USP12: variants seen among roughly 807,000 people sequenced by gnomAD.
USP12 encodes ubiquitin specific peptidase 12, also known as ubiquitin carboxyl-terminal hydrolase 12.
In USP12, 19 loss-of-function variants were observed where a neutral mutation model predicts 45.5. The ratio of observed to expected loss-of-function variants is 0.42; its 90% CI spans 0.29 to 0.61. The LOEUF (loss-of-function observed/expected upper bound fraction) is 0.61. Among genes scored for constraint, USP12 ranks in the 20% least tolerant of loss-of-function variants. The pLI, the probability that USP12 is intolerant of heterozygous loss-of-function variation, is 0.22. For missense variants in USP12, 242 were observed against 447.7 expected, an observed-to-expected ratio of 0.54 and a Z score of 4.15; for synonymous variants, 149 against 148.8, an observed-to-expected ratio of 1.00 and a Z score of -0.01.
At chr13:27,087,088 A>T (rs1405312372) in intron 6 of USP12, among the ~76,000 whole-genome samples, 1 of 151,176 alleles carries the variant, frequency 6.6e-6, no homozygotes, top group East Asian at 2.0e-4. Flanking sequence ...GTCAAAGCAG[A>T]GGGGAAGGGG....
intron 1 of USP12, among the ~76,000 whole-genome samples, chr13:27,152,685 G>C (rs1159756930): frequency 1.3e-5 from 2 of 152,186 alleles, no homozygotes; most frequent in African/African-American, 4.8e-5. Flanking sequence ...GCTCCCGCTT[G>C]TAATCCCAGC....
At chr13:27,144,601 G>C (rs1877224395) in intron 1 of USP12, among the ~76,000 whole-genome samples, 1 of 150,500 alleles carries the variant, frequency 6.6e-6, no homozygotes. Context: ...ATTTAGCAAA[G>C]TAGATAAATT....
At chr13:27,125,778 T>C (rs2137805857) in intron 1 of USP12, among the ~76,000 whole-genome samples, 1 of 152,328 alleles carries the variant, frequency 6.6e-6, no homozygotes, top group South Asian at 2.1e-4. Flanking sequence ...CTGACGGTCT[T>C]TGCAACCGGC....
At chr13:27,141,655 T>C (rs1311754904) in intron 1 of USP12, among the ~76,000 whole-genome samples, 1 of 152,036 alleles carries the variant, frequency 6.6e-6, no homozygotes, top group Non-Finnish European at 1.5e-5. Context: ...AAAACAAAAG[T>C]CCATGCTACT....
chr13:27,111,518 T>C (rs497329), intron 2 of USP12, among the ~76,000 whole-genome samples: 1 of 152,152 alleles, frequency 6.6e-6, no homozygotes, highest in Non-Finnish European at 1.5e-5. Flanking sequence ...CTCGAGGTCT[T>C]ATCATTGATT....
intron 3 of USP12, among the ~76,000 whole-genome samples, chr13:27,100,558 C>A (rs73155877): frequency 0.05 from 7,603 of 152,222 alleles, 244 homozygotes; most frequent in Non-Finnish European, 0.059. Context: ...TCCACTTTGC[C>A]TCCTGCACCA....
chr13:27,086,538 A>G (rs1355757754), intron 6 of USP12, among the ~76,000 whole-genome samples: 1 of 152,078 alleles, frequency 6.6e-6, no homozygotes, highest in East Asian at 1.9e-4. Flanking sequence ...TAATTTAATT[A>G]CAAAGAATAT....
intron 1 of USP12, among the ~76,000 whole-genome samples, chr13:27,123,911 G>A (rs996791108): frequency 2.3e-4 from 35 of 152,156 alleles, no homozygotes; most frequent in South Asian, 8.3e-4. Context: ...TTGAAAAGAT[G>A]AGGTCTTGTC....
At chr13:27,070,596 C>T (rs1039218467) in intron 8 of USP12, among the ~76,000 whole-genome samples, 1 of 151,152 alleles carries the variant, frequency 6.6e-6, no homozygotes, top group Admixed American at 6.6e-5. Flanking sequence ...TCTTATTGCC[C>T]AGGCTGGAGT....
Position 27,105,868 on chromosome 13 carries a change from G to C in USP12, c.206C>G (p.Ala69Gly), listed in dbSNP as rs150867444. 1.9e-6 allele frequency: 3 copies of C among 1,613,594 alleles called. No individual in the cohort carries two copies. The African/African-American group carries it at 4.0e-5, about 22-fold the overall frequency. Reference sequence around the variant, plus strand: ...CTTTTTCCTAGGTTGACTCTTATACGCAAGAACTTTTTCCCGAAATGGACG... The same window carrying C: ...CTTTTTCCTAGGTTGACTCTTATACCCAAGAACTTTTTCCCGAAATGGACG... ...FCRPFREKVL[A>G]YKSQPRKKES... Residue 69 changes from alanine (A) to glycine (G), a missense_variant, in exon 3 of 9, where the codon GCG becomes GGG. By Grantham distance (60) the Ala-to-Gly change is moderately conservative (BLOSUM62 0). Transcript: ENST00000282344.
chr13:27,118,877 C>T (rs1314347734), intron 1 of USP12, among the ~76,000 whole-genome samples: 2 of 152,200 alleles, frequency 1.3e-5, no homozygotes, highest in Non-Finnish European at 2.9e-5. Context: ...AACCACCCCA[C>T]ATGTCCACCT....
intron 1 of USP12, among the ~76,000 whole-genome samples, chr13:27,157,535 A>T (rs77720269): frequency 0.041 from 6,177 of 150,360 alleles, 205 homozygotes; most frequent in African/African-American, 0.11. Flanking sequence ...GCCTTTTTTT[A>T]AAAAAAATAT....
At chr13:27,075,701 TTA>T (rs1469750609) in intron 6 of USP12, among the ~76,000 whole-genome samples, 6 of 152,100 alleles carry the variant, frequency 3.9e-5, no homozygotes, top group Non-Finnish European at 8.8e-5. Flanking sequence ...CACACGTCTC[TTA>T]TAATAAGGCT....
intron 6 of USP12, among the ~76,000 whole-genome samples, chr13:27,076,285 G>T (rs1034975642): frequency 9.2e-5 from 14 of 152,206 alleles, no homozygotes; most frequent in Admixed American, 5.2e-4. Flanking sequence ...GGAAACTTAG[G>T]AGTTAAGTTT....
In USP12 at chr13:27,129,815, T is replaced by G. The variant is rs1876410823; in HGVS notation, c.49-13219A>C. On this transcript the variant is annotated intron_variant, in intron 1 of 8. Transcript: ENST00000282344. The surrounding 1 kb of genome is among the most constrained non-coding windows in gnomAD (Gnocchi z 4.0). Reference sequence around the variant, plus strand: ...CTTTTCAACAACAAGAAAGCACCACTCTTTGATAAATGGTGGGGAAGTAGA... The same window carrying G: ...CTTTTCAACAACAAGAAAGCACCACGCTTTGATAAATGGTGGGGAAGTAGA... 6.6e-6 allele frequency among the ~76,000 whole-genome samples: 1 copy of G among 152,292 alleles called. No homozygotes were observed. Among genetic ancestry groups the G allele is most frequent in the African/African-American group, 2.4e-5 (1 of 41,562 alleles).
At chr13:27,069,421 G>C in intron 8 of USP12, 37 bp from the exon 9 acceptor site, 1 of 1,431,022 alleles carries the variant, frequency 7.0e-7, no homozygotes, top group South Asian at 1.1e-5. Context: ...ACATAAATGA[G>C]CTCTGTACAG....
At chr13:27,164,711 G>C (rs1377696055) in intron 1 of USP12, among the ~76,000 whole-genome samples, 3 of 152,198 alleles carry the variant, frequency 2.0e-5, no homozygotes, top group African/African-American at 7.2e-5. Flanking sequence ...GACTCCAATA[G>C]AGAGTTTTCA....
intron 1 of USP12, among the ~76,000 whole-genome samples, chr13:27,152,130 G>A (rs1877595326): frequency 6.6e-6 from 1 of 152,120 alleles, no homozygotes; most frequent in African/African-American, 2.4e-5. Flanking sequence ...CCACTCCAAA[G>A]TACAGACACA....
chr13:27,156,928 T>C (rs1361812391), intron 1 of USP12, among the ~76,000 whole-genome samples: 1 of 152,218 alleles, frequency 6.6e-6, no homozygotes, highest in Non-Finnish European at 1.5e-5. Context: ...GCAAAAGCAC[T>C]AGACTAAATA....
Sources: gnomAD v4.1 joint callset for allele counts (sites outside exome capture counted in the v4.1 genomes callset) on GRCh38, gnomAD v4.1.1 for gene constraint, Gnocchi (gnomAD v3.1) non-coding constraint, MANE v1.5 for transcripts, NCBI Gene and HGNC (gene_info 2026-07-23, HGNC 2026-07-21) for gene names.